OSBPL10: variants seen among roughly 807,000 people sequenced by gnomAD.
OSBPL10 encodes the protein oxysterol binding protein like 10.
Under a neutral mutation model 81.7 loss-of-function variants are expected in OSBPL10, and 49 were observed. The observed-to-expected ratio is 0.60, with a 90% confidence interval of 0.48 to 0.76. OSBPL10 has a LOEUF of 0.76. Among genes scored for constraint, OSBPL10 ranks in the 30% least tolerant of loss-of-function variants. The pLI is 0.00. For synonymous variants in OSBPL10, 419 were observed against 383.6 expected (o/e 1.09, Z -1.08); for missense variants, 923 against 987.8 (o/e 0.93, Z 0.88).
intron 4 of OSBPL10, among the ~76,000 whole-genome samples, chr3:31,812,790 GAAAGAAAGAAAGAAAGAAAGAAAGAA>G (rs1699732978): frequency 4.3e-5 from 2 of 46,266 alleles, no homozygotes; most frequent in Non-Finnish European, 3.9e-5. Context: ...AAGAAAGAAA[GAAAGAAAGAAAGAAAGAAAGAAAGAA>G]AGAGAAAGAA....
intron 3 of OSBPL10, among the ~76,000 whole-genome samples, chr3:31,832,010 G>C (rs1700254042): frequency 6.6e-6 from 1 of 152,162 alleles, no homozygotes; most frequent in African/African-American, 2.4e-5. Flanking sequence ...AATAAATTAT[G>C]GTACATCTAT....
Position 31,748,249 on chromosome 3 carries a change from C to T in OSBPL10, c.730-129G>A, listed in dbSNP as rs557059317. The T allele has an allele frequency of 7.6e-6, 6 of 793,122 alleles. No homozygotes were observed. In the East Asian group the frequency reaches 1.1e-4, roughly 14 times the overall value. The allele number at this position is 793,122 out of a possible 1,614,324, so 49.1% of individuals were successfully genotyped here. A position where few individuals can be genotyped will look rare whatever the true frequency, so the allele number is the denominator to read the frequency against. ...CAACTCAGCGTGTTCGGTGCACATT[C>T]GTCTTTTGATAAATACTCAATCCTG... On this transcript the variant is annotated intron_variant, in intron 4 of 11. Transcript: ENST00000396556.
chr3:31,898,161 G>C (rs1200499836), intron 1 of OSBPL10, among the ~76,000 whole-genome samples: 1 of 151,996 alleles, frequency 6.6e-6, no homozygotes, highest in Non-Finnish European at 1.5e-5. Context: ...TTGGTCAACA[G>C]ATACAAAGTT....
chr3:31,924,231 A>G (rs1444063331), intron 1 of OSBPL10, among the ~76,000 whole-genome samples: 2 of 138,034 alleles, frequency 1.4e-5, no homozygotes, highest in Non-Finnish European at 3.1e-5. Context: ...AAAAAAAAAG[A>G]AAGAAAGAAA....
intron 5 of OSBPL10, among the ~76,000 whole-genome samples, chr3:31,744,431 G>C (rs1024781475): frequency 9.2e-5 from 14 of 151,580 alleles, no homozygotes; most frequent in South Asian, 4.2e-4. Context: ...CCAGCTACTC[G>C]GGAGGCTGAG....
intron 1 of OSBPL10, among the ~76,000 whole-genome samples, chr3:31,892,527 C>T (rs1305869141): frequency 6.6e-6 from 1 of 152,016 alleles, no homozygotes; most frequent in Non-Finnish European, 1.5e-5. Flanking sequence ...CATTCTCTCC[C>T]CAAAAAAGTC....
intron 3 of OSBPL10, among the ~76,000 whole-genome samples, chr3:31,841,143 G>C (rs890820491): frequency 5.3e-5 from 8 of 152,192 alleles, no homozygotes; most frequent in Non-Finnish European, 7.4e-5. Context: ...CCCGACCTCG[G>C]GTGATCCACC....
intron 7 of OSBPL10, among the ~76,000 whole-genome samples, chr3:31,700,785 C>A (rs1274786096): frequency 6.6e-6 from 1 of 152,184 alleles, no homozygotes; most frequent in Non-Finnish European, 1.5e-5. Flanking sequence ...ACATGGGCAT[C>A]TTTTAAAAGC....
intron 4 of OSBPL10, among the ~76,000 whole-genome samples, chr3:31,751,197 A>G (rs1275199441): frequency 6.6e-6 from 1 of 152,032 alleles, no homozygotes; most frequent in African/African-American, 2.4e-5. Flanking sequence ...AACAAAAAAC[A>G]AAGTTAGACA....
intron 4 of OSBPL10, among the ~76,000 whole-genome samples, chr3:31,783,129 A>T (rs1036728721): frequency 7.4e-6 from 1 of 135,638 alleles, no homozygotes; most frequent in Non-Finnish European, 1.5e-5. Flanking sequence ...ATATATATAT[A>T]TATATATATA....
At chr3:31,893,976 C>T (rs1695982256) in intron 1 of OSBPL10, among the ~76,000 whole-genome samples, 1 of 152,128 alleles carries the variant, frequency 6.6e-6, no homozygotes, top group Non-Finnish European at 1.5e-5. Flanking sequence ...AAAAGTAACT[C>T]AATTGTATAC....
chr3:31,812,312 G>A (rs1002023547), intron 4 of OSBPL10, among the ~76,000 whole-genome samples: 11 of 152,318 alleles, frequency 7.2e-5, no homozygotes, highest in Admixed American at 2.6e-4. Flanking sequence ...GATTACAGGC[G>A]TAAGCCACCG....
intron 2 of OSBPL10, among the ~76,000 whole-genome samples, chr3:32,022,756 G>A (rs1699372076): frequency 6.6e-6 from 1 of 152,110 alleles, no homozygotes; most frequent in African/African-American, 2.4e-5. Context: ...TCCAGCCTGG[G>A]TGACAGAGCA....
At chr3:31,762,628 GCA>G (rs1491454875) in intron 4 of OSBPL10, among the ~76,000 whole-genome samples, 2 of 21,122 alleles carry the variant, frequency 9.5e-5, no homozygotes, top group East Asian at 4.2e-3. Context: ...ACCATGCCCA[GCA>G]TTTTTTTTTT....
At chr3:31,896,185 C>T (rs188052390) in intron 1 of OSBPL10, among the ~76,000 whole-genome samples, 4 of 152,288 alleles carry the variant, frequency 2.6e-5, no homozygotes, top group East Asian at 1.9e-4. Context: ...CAGAAATTCA[C>T]GTGTTGCCAT....
In OSBPL10 at chr3:31,876,606, CT is replaced by C. The variant is rs2125632288; in HGVS notation, c.458-95del. 3.9e-6 allele frequency: 4 copies of C among 1,033,850 alleles called. No homozygotes were observed. In the South Asian group the frequency reaches 5.3e-5, roughly 14 times the overall value. The allele number at this position is 1,033,850 out of a possible 1,614,324, so 64.0% of individuals were successfully genotyped here. On this transcript the variant is annotated intron_variant, in intron 2 of 11. Transcript: ENST00000396556. ...ACACCCACCTAAGGGGGTGGGGAGC[CT>C]GGGGAGTGAGAGGTAGCAAGAAGGT...
At chr3:31,812,835 A>C (rs1360059418) in intron 4 of OSBPL10, among the ~76,000 whole-genome samples, 1 of 140,938 alleles carries the variant, frequency 7.1e-6, no homozygotes, top group Admixed American at 6.9e-5. Context: ...AAAGAAAGAA[A>C]GAAAGAAAGA....
intron 1 of OSBPL10, among the ~76,000 whole-genome samples, chr3:31,912,634 A>T (rs990950581): frequency 6.6e-6 from 1 of 152,198 alleles, no homozygotes; most frequent in Non-Finnish European, 1.5e-5. Flanking sequence ...TATTTTGAGC[A>T]TGTCTCTCCT....
chr3:31,866,607 G>A lies in OSBPL10; in HGVS notation c.537+9826C>T, dbSNP rs961948848. Among the ~76,000 whole-genome samples, 10 of 152,256 alleles carry A rather than the reference G, an allele frequency of 6.6e-5. No individual in the cohort carries two copies. The East Asian group carries it at 1.2e-3, about 18-fold the overall frequency. Reference sequence around the variant, plus strand: ...CCCTACATGCTTGGGGAGTATAGACGCCATGACAAAGGCGGGGGAGGAGAG... The same window carrying A: ...CCCTACATGCTTGGGGAGTATAGACACCATGACAAAGGCGGGGGAGGAGAG... On this transcript the variant is annotated intron_variant, in intron 3 of 11. Transcript: ENST00000396556.
Sources: gnomAD v4.1 joint callset for allele counts (sites outside exome capture counted in the v4.1 genomes callset) on GRCh38, gnomAD v4.1.1 for gene constraint, MANE v1.5 for transcripts, NCBI Gene and HGNC (gene_info 2026-07-23, HGNC 2026-07-21) for gene names.